Variants in RPTOR observed in about 807,000 individuals in gnomAD.
RPTOR encodes the protein regulatory-associated protein of mTOR.
In RPTOR, 21 loss-of-function variants were observed where a neutral mutation model predicts 169.9. That is an observed-to-expected ratio of 0.12 (90% CI 0.09 to 0.18). The LOEUF (loss-of-function observed/expected upper bound fraction) is 0.18, where lower values mean the gene tolerates loss of function less well. Ranked by LOEUF, RPTOR falls within the 10% of genes least tolerant of loss-of-function variation. The pLI, the probability that RPTOR is intolerant of heterozygous loss-of-function variation, is 1.00. For missense variants in RPTOR, 1,133 were observed against 1,855.9 expected (o/e 0.61, Z 7.16); for synonymous variants, 732 against 753.2 (o/e 0.97, Z 0.46).
At chr17:80,952,828 A>C (rs1292884417) in intron 28 of RPTOR, among the ~76,000 whole-genome samples, 3 of 140,836 alleles carry the variant, frequency 2.1e-5, no homozygotes, top group Non-Finnish European at 3.0e-5. Context: ...AGACCCATGC[A>C]TCTCTCCCTT....
chr17:80,738,239 G>A (rs1014887497), intron 5 of RPTOR, among the ~76,000 whole-genome samples: 6 of 152,206 alleles, frequency 3.9e-5, no homozygotes, highest in Non-Finnish European at 7.3e-5. Flanking sequence ...GGACACCCTC[G>A]CCTTTGGTTT....
At chr17:80,918,272 C>G (rs983083318) in intron 21 of RPTOR, among the ~76,000 whole-genome samples, 3 of 152,216 alleles carry the variant, frequency 2.0e-5, no homozygotes. Context: ...CAGAGGCACC[C>G]CTGGATCGCC....
chr17:80,950,779 C>G (rs1440689478), intron 28 of RPTOR, among the ~76,000 whole-genome samples: 1 of 152,152 alleles, frequency 6.6e-6, no homozygotes, highest in African/African-American at 2.4e-5. Flanking sequence ...GTGTGTCTCT[C>G]CAAAAGACCA....
At chr17:80,855,261 A>G (rs2067839726) in intron 11 of RPTOR, among the ~76,000 whole-genome samples, 1 of 152,248 alleles carries the variant, frequency 6.6e-6, no homozygotes, top group Non-Finnish European at 1.5e-5. Flanking sequence ...TTATCTGTGT[A>G]ATAAAGGCAT....
chr17:80,704,514 C>T (rs186222987), intron 3 of RPTOR, among the ~76,000 whole-genome samples: 120 of 152,318 alleles, frequency 7.9e-4, no homozygotes, highest in African/African-American at 2.1e-3. Context: ...ATGTCACAGA[C>T]GCCTTGGGTA....
At chr17:80,963,796 G>A (rs958765553) in intron 33 of RPTOR, among the ~76,000 whole-genome samples, 5 of 124,442 alleles carry the variant, frequency 4.0e-5, no homozygotes, top group Admixed American at 3.8e-4. Flanking sequence ...CGTCCCCTCT[G>A]CGGCCCTCAC....
intron 9 of RPTOR, among the ~76,000 whole-genome samples, chr17:80,835,375 GTCCTCGAGTCTCT>G (rs2067552562): frequency 6.6e-6 from 1 of 152,086 alleles, no homozygotes; most frequent in Non-Finnish European, 1.5e-5. Flanking sequence ...ATAACACAGA[GTCCTCGAGTCTCT>G]TAGAAAATTA....
rs565321044 is a variant in RPTOR, at chr17:80,737,817, G to A, written c.654+7111G>A. On this transcript the variant is annotated intron_variant, in intron 5 of 33. Coordinates refer to ENST00000306801, the MANE Select transcript of RPTOR (RefSeq NM_020761.3). ...CTCTCTTTTTCTCCCCCGCCCCCCC[G>A]CCACACTCACTCCACCACCACCACA... Among the ~76,000 whole-genome samples, 78 of 106,786 alleles carry A rather than the reference G, an allele frequency of 7.3e-4. No homozygotes were observed. In the South Asian group the frequency reaches 8.0e-3, roughly 11 times the overall value. 70.1% of individuals were successfully genotyped at this position (106,786 alleles called of 152,430 possible).
At chr17:80,636,721 G>A (rs148804645) in intron 2 of RPTOR, among the ~76,000 whole-genome samples, 1 of 151,516 alleles carries the variant, frequency 6.6e-6, no homozygotes, top group African/African-American at 2.4e-5. Flanking sequence ...CCACACCCCC[G>A]CAACACGCCC....
In RPTOR at chr17:80,823,155, T is replaced by C. The variant is rs906252846; in HGVS notation, c.1068T>C (p.Ile356=). Residue 356 remains isoleucine (I), a synonymous_variant, in exon 9 of 34, where the codon ATT becomes ATC. Transcript: ENST00000306801. The surrounding 1 kb of genome is among the most constrained non-coding windows in gnomAD (Gnocchi z 4.5). ...LFRNFLLAER[I]MRSYNCTPVS... Reference sequence around the variant, plus strand: ...GAAATTTTTTATTGGCGGAAAGGATTATGAGGTCGTATAACTGCACTCCCG... The same window carrying C: ...GAAATTTTTTATTGGCGGAAAGGATCATGAGGTCGTATAACTGCACTCCCG... The C allele has an allele frequency of 1.2e-5, 19 of 1,614,020 alleles. No homozygotes were observed. The highest frequency in any genetic ancestry group is 1.6e-5 in the Non-Finnish European group (19 of 1,180,040).
intron 10 of RPTOR, among the ~76,000 whole-genome samples, chr17:80,843,449 G>T (rs1311878496): frequency 6.6e-6 from 1 of 151,552 alleles, no homozygotes; most frequent in Non-Finnish European, 1.5e-5. Context: ...TTGGTTTATT[G>T]AGATAGTAGG....
intron 3 of RPTOR, among the ~76,000 whole-genome samples, chr17:80,672,516 G>A (rs976837126): frequency 6.6e-6 from 1 of 152,098 alleles, no homozygotes; most frequent in African/African-American, 2.4e-5. Flanking sequence ...AGCCAGGCGC[G>A]GTGGCTCACG....
At chr17:80,553,488 C>T (rs915296680) in intron 1 of RPTOR, among the ~76,000 whole-genome samples, 4 of 152,172 alleles carry the variant, frequency 2.6e-5, no homozygotes, top group East Asian at 1.9e-4. Context: ...TTGTATCTGC[C>T]GCTGTGAGCC....
intron 1 of RPTOR, among the ~76,000 whole-genome samples, chr17:80,616,763 G>GA (rs34531454): frequency 2.0e-3 from 303 of 150,136 alleles, no homozygotes; most frequent in African/African-American, 6.5e-3. Flanking sequence ...AAGGAGTGGA[G>GA]AAAAAAAAAA....
intron 20 of RPTOR, among the ~76,000 whole-genome samples, chr17:80,897,597 A>C (rs1055890231): frequency 6.6e-6 from 1 of 152,196 alleles, no homozygotes; most frequent in Non-Finnish European, 1.5e-5. Flanking sequence ...CAGCGTGGTA[A>C]TGTCCCCTGA....
At chr17:80,788,528 A>G (rs1456710441) in intron 6 of RPTOR, among the ~76,000 whole-genome samples, 1 of 152,206 alleles carries the variant, frequency 6.6e-6, no homozygotes, top group East Asian at 1.9e-4. Context: ...TGATAAAAAT[A>G]AAAACACCGC....
At chr17:80,841,152 C>T (rs1375785070) in intron 10 of RPTOR, among the ~76,000 whole-genome samples, 2 of 124,288 alleles carry the variant, frequency 1.6e-5, no homozygotes, top group Admixed American at 7.5e-5. Context: ...TCACTCTCAC[C>T]GCACGGCAGC....
intron 28 of RPTOR, among the ~76,000 whole-genome samples, chr17:80,951,077 G>C (rs2069170562): frequency 6.6e-6 from 1 of 151,846 alleles, no homozygotes; most frequent in Non-Finnish European, 1.5e-5. Context: ...GCATCCACAT[G>C]TCCATGCCCA....
chr17:80,644,834 G>C (rs1192499381), intron 3 of RPTOR, among the ~76,000 whole-genome samples: 1 of 152,166 alleles, frequency 6.6e-6, no homozygotes, highest in Non-Finnish European at 1.5e-5. Flanking sequence ...GTTGCTTCCA[G>C]TCATGAGCTA....
Sources: allele counts gnomAD v4.1 joint callset (sites outside exome capture counted in the v4.1 genomes callset), GRCh38; gene constraint gnomAD v4.1.1; non-coding constraint Gnocchi (gnomAD v3.1); transcripts MANE v1.5; gene names NCBI Gene and HGNC (gene_info 2026-07-23, HGNC 2026-07-21).